ANO7: variants seen among roughly 807,000 people sequenced by gnomAD.
The protein encoded by ANO7 is anoctamin 7, also known as anoctamin-7.
In ANO7, 114 loss-of-function variants were observed where a neutral mutation model predicts 115.8. The observed-to-expected ratio is 0.98, with a 90% CI of 0.85 to 1.15. The LOEUF (loss-of-function observed/expected upper bound fraction) is 1.15. Among genes scored for constraint, ANO7 ranks in the 50% most tolerant of loss-of-function variants. The probability of loss-of-function intolerance (pLI) is 0.00; values close to 1 mark genes in which losing one functional copy is unlikely to be tolerated. For synonymous variants in ANO7, 550 were observed against 498.2 expected (o/e 1.10, Z -1.38); for missense variants, 1,302 against 1,201.2 (o/e 1.08, Z -1.24).
chr2:241,202,442 C>T (rs1404662341), intron 8 of ANO7, 138 bp downstream of exon 8: 3 of 695,518 alleles, frequency 4.3e-6, no homozygotes, highest in Non-Finnish European at 7.4e-6. Flanking sequence ...ACTAAATGCA[C>T]ACACATGCGG....
At chr2:241,223,593 G>A (rs567043987) in intron 22 of ANO7, 69 bp from the exon 23 acceptor site, 95 of 1,577,640 alleles carry the variant, frequency 6.0e-5, no homozygotes, top group Non-Finnish European at 7.6e-5. Context: ...CCGGAGCCCC[G>A]GCCTGCCTGG....
intron 2 of ANO7, among the ~76,000 whole-genome samples, chr2:241,190,778 T>G (rs1207899154): frequency 2.0e-5 from 3 of 152,168 alleles, no homozygotes; most frequent in Admixed American, 2.0e-4. Context: ...ACACTCTCGG[T>G]CGCCATGGCC....
At chr2:241,236,417 T>G in the ANO7 span, 1 of 605,548 alleles carries the variant, frequency 1.7e-6, no homozygotes, top group African/African-American at 1.9e-5. Context: ...CCCCGAGCCT[T>G]GGTGAAGGGA....
In ANO7 at chr2:241,200,085, C is replaced by G. The variant is rs200253034; in HGVS notation, c.418-4C>G. On this transcript the variant is annotated splice_region_variant and splice_polypyrimidine_tract_variant and intron_variant, in intron 5 of 24. Transcript: ENST00000674324. ...TGGGAGGAGCCACTGACGTTTCCTTCCAGGAGTTACCCAACCAGGCCTCCA... is the reference window on the plus strand; with the variant it reads ...TGGGAGGAGCCACTGACGTTTCCTTGCAGGAGTTACCCAACCAGGCCTCCA... 591 of 1,611,402 alleles carry G rather than the reference C, an allele frequency of 3.7e-4. No homozygotes were observed. The highest frequency in any genetic ancestry group is 4.7e-4 in the Non-Finnish European group (551 of 1,179,960).
chr2:241,235,447 A>G, the ANO7 span: 3 of 1,511,488 alleles, frequency 2.0e-6, no homozygotes, highest in East Asian at 6.8e-5. Flanking sequence ...AGAGGATGCG[A>G]CAGGCCACTC....
At position 241,201,344 on chromosome 2, in the gene ANO7, A is replaced by C; in HGVS notation, c.601A>C (p.Arg201=). 1 of 1,612,656 alleles carries C rather than the reference A, an allele frequency of 6.2e-7. No homozygotes were observed. Among genetic ancestry groups the C allele is most frequent in the East Asian group, 2.2e-5 (1 of 44,778 alleles). The change falls in exon 7 of 25, where the codon AGG becomes CGG. Residue 201 remains arginine (R), a synonymous_variant. Transcript: ENST00000674324. ...GGACACCTTCTTCACAAGCACCAAG[A>C]GGCACCAAATTGTGAGTGGGGGTTC... is the stretch of plus-strand genomic sequence containing the variant. ...NQDTFFTSTK[R]HQILFEILAK...
At chr2:241,195,920 C>A (rs887815434) in intron 4 of ANO7, 75 bp downstream of exon 4, 1 of 1,613,072 alleles carries the variant, frequency 6.2e-7, no homozygotes, top group African/African-American at 1.3e-5. Flanking sequence ...CCGCATGAGG[C>A]CTGAGGGCAT....
At chr2:241,235,482 G>C in the ANO7 span, 1 of 1,606,952 alleles carries the variant, frequency 6.2e-7, no homozygotes, top group South Asian at 1.1e-5. Flanking sequence ...CCCGGGAAAG[G>C]GGTCTACCTC....
the ANO7 span, among the ~76,000 whole-genome samples, chr2:241,232,155 T>C: frequency 1.3e-5 from 2 of 152,078 alleles, no homozygotes; most frequent in Non-Finnish European, 2.9e-5. Flanking sequence ...TGCTGCCAGG[T>C]ACAGAACCTC....
the ANO7 span, chr2:241,236,802 G>A: frequency 6.2e-7 from 1 of 1,607,894 alleles, no homozygotes; most frequent in South Asian, 1.1e-5. Flanking sequence ...ACAGCTGACA[G>A]CTGCTGGAAG....
chr2:241,204,543 G>A (rs536522965), intron 9 of ANO7, among the ~76,000 whole-genome samples: 25 of 152,250 alleles, frequency 1.6e-4, no homozygotes, highest in African/African-American at 4.8e-4. Context: ...TTCTCTGTCC[G>A]TCCCGGGCAG....
At position 241,208,845 on chromosome 2, in the gene ANO7, G is replaced by A. The variant is rs12471952; in HGVS notation, c.1078-440G>A. 8.1e-3 allele frequency among the ~76,000 whole-genome samples: 1,237 copies of A among 152,318 alleles called. 45 individuals are homozygous for A. In the East Asian group the frequency reaches 0.093, roughly 11 times the overall value. On this transcript the variant is annotated intron_variant, in intron 11 of 24. Transcript: ENST00000674324. ...AAAATTCCTCTCCCTCTGTGGGTCT[G>A]TGCTTCCAAAACACAGTCAGGGGGC...
At chr2:241,229,784 G>GGGCCCCCCCCCCCCCCCGGCCCCCC, downstream of ANO7, 1 of 1,502,550 alleles carries the variant, frequency 6.7e-7, no homozygotes, top group Non-Finnish European at 9.1e-7. Flanking sequence ...AAGCCCGCCT[G>GGGCCCCCCCCCCCCCCCGGCCCCCC]CCCGCCCACC....
At chr2:241,190,215 C>A in intron 2 of ANO7, 44 bp downstream of exon 2, 1 of 1,511,204 alleles carries the variant, frequency 6.6e-7, no homozygotes. Context: ...AGAGGTCCTC[C>A]CCTGCCTGGG....
chr2:241,229,501 C>T, downstream of ANO7: 1 of 864,422 alleles, frequency 1.2e-6, no homozygotes, highest in African/African-American at 1.7e-5. Context: ...AGAGCGTCAA[C>T]AATTTACGGA....
chr2:241,215,122 G>A (rs1230680784), intron 18 of ANO7, among the ~76,000 whole-genome samples: 2 of 152,232 alleles, frequency 1.3e-5, no homozygotes, highest in East Asian at 3.9e-4. Flanking sequence ...CTGGGTTGTA[G>A]TTGTGGGAGA....
chr2:241,239,002 AAGG>A, the ANO7 span, among the ~76,000 whole-genome samples: 1 of 152,164 alleles, frequency 6.6e-6, no homozygotes, highest in Non-Finnish European at 1.5e-5. The surrounding 1 kb of genome is among the most constrained non-coding windows in gnomAD (Gnocchi z 4.6). Flanking sequence ...TGTGTCCCAG[AAGG>A]CCAGGTGCCA....
At chr2:241,223,551 T>C in intron 22 of ANO7, 111 bp from the exon 23 acceptor site, 2 of 1,506,170 alleles carry the variant, frequency 1.3e-6, no homozygotes, top group Non-Finnish European at 1.8e-6. Flanking sequence ...GCACAGCTGC[T>C]TTCTGACTCC....
chr2:241,217,914 G>A (rs1165298819), intron 20 of ANO7, 23 bp downstream of exon 20: 1 of 1,378,886 alleles, frequency 7.3e-7, no homozygotes, highest in Non-Finnish European at 9.5e-7. Context: ...CGGGAGCGCG[G>A]GGCGGGGCGG....
Sources: allele counts gnomAD v4.1 joint callset (sites outside exome capture counted in the v4.1 genomes callset), GRCh38; gene constraint gnomAD v4.1.1; non-coding constraint Gnocchi (gnomAD v3.1); transcripts MANE v1.5; gene names NCBI Gene and HGNC (gene_info 2026-07-23, HGNC 2026-07-21).